Variants in MDC1 observed in about 807,000 individuals in gnomAD.
MDC1 encodes the protein mediator of DNA damage checkpoint 1.
A neutral mutation model predicts 142.5 loss-of-function variants in MDC1; 81 were observed. The ratio of observed to expected loss-of-function variants is 0.57; its 90% CI spans 0.47 to 0.68. The LOEUF is 0.68. MDC1 is among the 30% of genes least tolerant of loss of function. The pLI, the probability that MDC1 is intolerant of heterozygous loss-of-function variation, is 0.00. For synonymous variants in MDC1, 797 were observed against 968.4 expected, an observed-to-expected ratio of 0.82 and a Z score of 3.29; for missense variants, 2,119 against 2,547.9, an observed-to-expected ratio of 0.83 and a Z score of 3.62.
At chr6:30,708,566 A>G (rs1562109945) in intron 7 of MDC1, among the ~76,000 whole-genome samples, 1 of 152,184 alleles carries the variant, frequency 6.6e-6, no homozygotes. Context: ...AAAAGGTCAT[A>G]GCCTTAGGCG....
rs1394801891 is a variant in MDC1, at chr6:30,703,852, C to T, written c.5331G>A (p.Gln1777=). The change falls in exon 10 of 15, where the codon CAG becomes CAA. Residue 1777 remains glutamine (Q), a synonymous_variant. Coordinates refer to ENST00000376406, the MANE Select transcript of MDC1 (RefSeq NM_014641.3). The surrounding 1 kb of genome is among the most constrained non-coding windows in gnomAD (Gnocchi z 4.4). ...LTAIPEPASP[Q]LLETPIHASQ... The stretch of plus-strand genomic sequence containing the variant: ...AGGCATGAATTGGTGTCTCAAGAAG[C>T]TGGGGAGAGGCAGGCTCAGGAATGG... The T allele has an allele frequency of 6.2e-7, 1 of 1,613,438 alleles. No homozygotes were observed. Among genetic ancestry groups the T allele is most frequent in the Non-Finnish European group, 8.5e-7 (1 of 1,179,730 alleles).
At position 30,712,669 on chromosome 6, in the gene MDC1, C is replaced by G; in HGVS notation, c.1273G>C (p.Ala425Pro). Reference sequence around the variant, plus strand: ...TCTTCTGCATCTCTGTTCCATATAGCAGGCTGGCTCTCTTTCAGATGTGCC... The same window carrying G: ...TCTTCTGCATCTCTGTTCCATATAGGAGGCTGGCTCTCTTTCAGATGTGCC... ...TLAHLKESQP[A>P]IWNRDAEEDM... Residue 425 changes from alanine to proline, a missense_variant, in exon 5 of 15, where the codon GCT (alanine) becomes CCT (proline). By Grantham distance (27) the Ala-to-Pro change is conservative. Coordinates refer to ENST00000376406, the MANE Select transcript of MDC1 (RefSeq NM_014641.3). This position sits in a 1 kb window ranked among gnomAD's most constrained non-coding sequence, Gnocchi z 4.7. The G allele has an allele frequency of 4.3e-6, 7 of 1,613,058 alleles. No individual in the cohort carries two copies. The highest frequency in any genetic ancestry group is 5.9e-6 in the Non-Finnish European group (7 of 1,180,024).
In MDC1 at chr6:30,715,416, C is replaced by T. The variant is rs906548570; in HGVS notation, c.-3-238G>A. On this transcript the variant is annotated intron_variant, in intron 1 of 14. Transcript: ENST00000376406. The surrounding 1 kb of genome is among the most constrained non-coding windows in gnomAD (Gnocchi z 4.1). ...CAGTGGTAAGATCTTGGGCCCACGG[C>T]AACCTCTGCCTCCCGGGTTTCAAGC... 3.9e-5 allele frequency among the ~76,000 whole-genome samples: 6 copies of T among 152,168 alleles called. No homozygotes were observed. The highest frequency in any genetic ancestry group is 1.4e-4 in the African/African-American group (6 of 41,440).
chr6:30,702,150 C>A (rs1282445599), intron 14 of MDC1, among the ~76,000 whole-genome samples: 2 of 148,318 alleles, frequency 1.3e-5, no homozygotes, highest in African/African-American at 5.0e-5. Context: ...GTAGTCCCAG[C>A]TACTCGGGAG....
At position 30,703,333 on chromosome 6, in the gene MDC1, G is replaced by C. The variant is rs938699739; in HGVS notation, c.5683-47C>G. On this transcript the variant is annotated intron_variant, in intron 11 of 14. Coordinates refer to ENST00000376406, the MANE Select transcript of MDC1 (RefSeq NM_014641.3). This position sits in a 1 kb window ranked among gnomAD's most constrained non-coding sequence, Gnocchi z 4.4. Reference sequence around the variant, plus strand: ...GTGGTTACGGCAACCCATGCCATCAGCACCCATCTCTACAATCCTCTAGGT... The same window carrying C: ...GTGGTTACGGCAACCCATGCCATCACCACCCATCTCTACAATCCTCTAGGT... 1.9e-6 allele frequency: 3 copies of C among 1,610,344 alleles called. No homozygotes were observed. In the African/African-American group the frequency reaches 4.0e-5, roughly 22 times the overall value.
chr6:30,712,966 A>C lies in MDC1; in HGVS notation c.976T>G (p.Phe326Val). The C allele has an allele frequency of 6.2e-7, 1 of 1,612,978 alleles. No homozygotes were observed. Reference protein sequence around the residue: ...VHLERAQPFGFIDSDTDAEEE... With the variant: ...VHLERAQPFGVIDSDTDAEEE... ...TCCGCATCAGTGTCGCTGTCGATGA[A>C]GCCAAAAGGCTGAGCCCTTTCCAAA... is the stretch of plus-strand genomic sequence containing the variant. Residue 326 changes from phenylalanine (F) to valine (V), a missense_variant, in exon 5 of 15, where the codon TTC becomes GTC. Physicochemically the swap from Phe to Val is conservative, Grantham distance 50. Coordinates refer to ENST00000376406, the MANE Select transcript of MDC1 (RefSeq NM_014641.3). The surrounding 1 kb of genome is among the most constrained non-coding windows in gnomAD (Gnocchi z 4.7).
chr6:30,714,988 C>T (rs1775462513), intron 2 of MDC1, 52 bp downstream of exon 2: 7 of 1,597,398 alleles, frequency 4.4e-6, no homozygotes, highest in Non-Finnish European at 6.0e-6. Flanking sequence ...AAATACCTTA[C>T]CACAAAAATA....
chr6:30,712,968 C>T lies in MDC1; in HGVS notation c.974G>A (p.Gly325Asp). The T allele has an allele frequency of 1.2e-6, 2 of 1,612,962 alleles. No individual in the cohort carries two copies. The highest frequency in any genetic ancestry group is 2.7e-5 in the African/African-American group (2 of 75,044). The change falls in exon 5 of 15, where the codon GGC becomes GAC. Residue 325 changes from glycine (G) to aspartate (D), a missense_variant. Transcript: ENST00000376406. The surrounding 1 kb of genome is among the most constrained non-coding windows in gnomAD (Gnocchi z 4.7). ...EVHLERAQPF[G>D]FIDSDTDAEE... is the part of the protein sequence containing the mutation. ...CGCATCAGTGTCGCTGTCGATGAAG[C>T]CAAAAGGCTGAGCCCTTTCCAAATG...
intron 7 of MDC1, 75 bp from the exon 8 acceptor site, chr6:30,708,432 C>A: frequency 9.2e-7 from 1 of 1,084,418 alleles, no homozygotes; most frequent in South Asian, 1.4e-5. Flanking sequence ...AAGGGAAGTA[C>A]AGGTTGACAT....
At position 30,707,715 on chromosome 6, in the gene MDC1, C is replaced by G; in HGVS notation, c.2864G>C (p.Ser955Thr). The change falls in exon 8 of 15, where the codon AGC (serine) becomes ACC (threonine). Residue 955 changes from serine to threonine, a missense_variant. Transcript: ENST00000376406. Reference protein sequence around the residue: ...DTQRGEPEGGSQDQKGQASSP... With the variant: ...DTQRGEPEGGTQDQKGQASSP... ...GGAGGCCTGCCCTTTCTGGTCCTGG[C>G]TCCCTCCCTCTGGCTCCCCTCTCTG... 1 of 1,613,090 alleles carries G rather than the reference C, an allele frequency of 6.2e-7. No homozygotes were observed. Among genetic ancestry groups the G allele is most frequent in the Non-Finnish European group, 8.5e-7 (1 of 1,180,034 alleles).
At position 30,699,897 on chromosome 6, in the gene MDC1, A is replaced by C; in HGVS notation, c.*568T>G. 4.5e-6 allele frequency: 1 copy of C among 224,344 alleles called. No individual in the cohort carries two copies. The highest frequency in any genetic ancestry group is 8.9e-6 in the Non-Finnish European group (1 of 112,384). 13.9% of individuals were successfully genotyped at this position (224,344 alleles called of 1,614,324 possible). On this transcript the variant is annotated 3_prime_UTR_variant, in exon 15 of 15. Transcript: ENST00000376406. ...GGAAAAGCTGGCCAGAAAAGTACAG[A>C]GACTTGCCCAAAGTCAAAGCTAAAG...
At position 30,713,883 on chromosome 6, in the gene MDC1, G is replaced by C; in HGVS notation, c.437C>G (p.Thr146Arg). The change falls in exon 3 of 15, where the codon ACA becomes AGA. Residue 146 changes from threonine (T) to arginine (R), a missense_variant. Thr to Arg is a moderately conservative substitution (Grantham distance 71). Transcript: ENST00000376406. The surrounding 1 kb of genome is among the most constrained non-coding windows in gnomAD (Gnocchi z 4.9). ...CTGTACTCTGGGTGTCTCTTCTACT[G>C]TCAGAGGGCCCCGGGAGACAAAGGG... ...SLPFVSRGPL[T>R]VEETPRVQGE... 7.4e-6 allele frequency: 12 copies of C among 1,613,956 alleles called. No homozygotes were observed. The highest frequency in any genetic ancestry group is 1.0e-5 in the Non-Finnish European group (12 of 1,180,034).
At chr6:30,700,827 T>C (rs941400420) in intron 14 of MDC1, among the ~76,000 whole-genome samples, 195 bp from the exon 15 acceptor site, 6 of 149,982 alleles carry the variant, frequency 4.0e-5, no homozygotes, top group African/African-American at 1.5e-4. Context: ...ACACAGCACT[T>C]TGGGAGGCTG....
Position 30,708,082 on chromosome 6 carries a change from T to A in MDC1, c.2497A>T (p.Arg833Ter). The A allele has an allele frequency of 6.2e-7, 1 of 1,613,108 alleles. No homozygotes were observed. The highest frequency in any genetic ancestry group is 8.5e-7 in the Non-Finnish European group (1 of 1,180,028). ...TCTGGTAGCAGTTTCTCAGTTTCTC[T>A]CTCCAATGGCCCTCTCTCAGGGCCC... ...RVGPERGPLE[R>*]ETEKLLPERQ... is the part of the protein sequence containing the mutation. The change falls in exon 8 of 15, where the codon AGA becomes TGA. Residue 833 changes from arginine (R) to a stop codon, truncating the protein, a stop_gained. Transcript: ENST00000376406. LOFTEE classifies it high-confidence loss of function.
At chr6:30,706,222 C>A in intron 9 of MDC1, 124 bp from the exon 10 acceptor site, 2 of 843,986 alleles carry the variant, frequency 2.4e-6, no homozygotes, top group South Asian at 3.9e-5. Flanking sequence ...CGTGGTGGCT[C>A]ACGGCTATAA....
rs761631353 is a variant in MDC1, at chr6:30,712,574, G to A, written c.1368C>T (p.Asp456=). The A allele has an allele frequency of 6.8e-6, 11 of 1,613,040 alleles. No individual in the cohort carries two copies. Among genetic ancestry groups the A allele is most frequent in the South Asian group, 3.3e-5 (3 of 91,082 alleles). The change falls in exon 5 of 15, where the codon GAC becomes GAT. Residue 456 remains aspartate (D), a synonymous_variant. Transcript: ENST00000376406. This position sits in a 1 kb window ranked among gnomAD's most constrained non-coding sequence, Gnocchi z 4.7. ...CCACTGGGAGCTCTTCCTCCTCCAC[G>A]TCTGTGTCACTGTCTCTCTCAGTGG... ...QTTTERDSDT[D]VEEEELPVEN...
In MDC1 at chr6:30,705,242, G is replaced by A. The variant is rs576492431; in HGVS notation, c.3941C>T (p.Thr1314Ile). 3 of 1,578,948 alleles carry A rather than the reference G, an allele frequency of 1.9e-6. No homozygotes were observed. The highest frequency in any genetic ancestry group is 2.3e-5 in the South Asian group (2 of 88,738). ...AGGGGTCTTGACAGAGGACATATTT[G>A]TCCTGCTCCTAGTGGTCCGAGATGT... Reference protein sequence around the residue: ...KPTSRTTRSRTNMSSVKTPET... With the variant: ...KPTSRTTRSRINMSSVKTPET... The change falls in exon 10 of 15, where the codon ACA (threonine) becomes ATA (isoleucine). Residue 1314 changes from threonine to isoleucine, a missense_variant. Coordinates refer to ENST00000376406, the MANE Select transcript of MDC1 (RefSeq NM_014641.3).
chr6:30,712,313 C>T lies in MDC1; in HGVS notation c.1629G>A (p.Val543=). 1 of 1,613,120 alleles carries T rather than the reference C, an allele frequency of 6.2e-7. No individual in the cohort carries two copies. The highest frequency in any genetic ancestry group is 1.1e-5 in the South Asian group (1 of 91,090). The change falls in exon 5 of 15, where the codon GTG becomes GTA. Residue 543 remains valine, a synonymous_variant. Transcript: ENST00000376406. The surrounding 1 kb of genome is among the most constrained non-coding windows in gnomAD (Gnocchi z 4.7). ...CTGTTTGATTTGTCCCCTCCACAGA[C>T]ACCTGATGCTTCTTTATATGTATAA... ...SAIIHIKKHQ[V]SVEGTNQTDV...
rs201813097 is a variant in MDC1 at position 30,704,613 on chromosome 6, C to G, written c.4570G>C (p.Val1524Leu). ...TTRGRKNRSS[V>L]KTPETVVPAA... The stretch of plus-strand genomic sequence containing the variant: ...GGCACAACTGTTTCAGGGGTCTTGA[C>G]AGAGGACCGATTTTTTCTTCCCCTA... Residue 1524 changes from valine (V) to leucine (L), a missense_variant, in exon 10 of 15, where the codon GTC (valine) becomes CTC (leucine). Val to Leu is a conservative substitution (Grantham distance 32). Coordinates refer to ENST00000376406, the MANE Select transcript of MDC1 (RefSeq NM_014641.3). 881 of 1,608,830 alleles carry G rather than the reference C, an allele frequency of 5.5e-4. 11 individuals carry two copies. In the South Asian group the frequency reaches 7.0e-3, roughly 13 times the overall value.
Sources: allele counts gnomAD v4.1 joint callset (sites outside exome capture counted in the v4.1 genomes callset), GRCh38; gene constraint gnomAD v4.1.1; non-coding constraint Gnocchi (gnomAD v3.1); transcripts MANE v1.5; gene names NCBI Gene and HGNC (gene_info 2026-07-23, HGNC 2026-07-21).